ZNF562: variants seen among roughly 807,000 people sequenced by gnomAD.
ZNF562 encodes zinc finger protein 562.
Under a neutral mutation model 17.5 loss-of-function variants are expected in ZNF562, and 13 were observed. The ratio of observed to expected loss-of-function variants is 0.74; its 90% CI spans 0.48 to 1.18. The LOEUF is 1.18. Ranked by LOEUF, ZNF562 falls within the 50% of genes most tolerant of loss-of-function variation. ZNF562 has a pLI of 0.00. For missense variants in ZNF562, 481 were observed against 498.5 expected (o/e 0.96, Z 0.33); for synonymous variants, 163 against 165.4 (o/e 0.99, Z 0.11).
intron 1 of ZNF562, among the ~76,000 whole-genome samples, chr19:9,663,122 C>A (rs1457844354): frequency 6.6e-6 from 1 of 150,902 alleles, no homozygotes. Flanking sequence ...ACAGCCAGAA[C>A]TGGATGGGTG....
intron 1 of ZNF562, among the ~76,000 whole-genome samples, chr19:9,662,746 GT>G (rs1174949073): frequency 2.0e-5 from 3 of 152,014 alleles, no homozygotes; most frequent in African/African-American, 7.2e-5. Flanking sequence ...CAGTTGTGGT[GT>G]TGGGCGGCTG....
intron 1 of ZNF562, among the ~76,000 whole-genome samples, chr19:9,661,735 C>G (rs1279184305): frequency 6.6e-6 from 1 of 152,112 alleles, no homozygotes; most frequent in African/African-American, 2.4e-5. Context: ...GTGGAGGTTG[C>G]AGTGAGCTGA....
Position 9,653,359 on chromosome 19 carries a change from T to G in ZNF562, c.871A>C (p.Lys291Gln). 4 of 1,614,052 alleles carry G rather than the reference T, an allele frequency of 2.5e-6. No individual in the cohort carries two copies. The highest frequency in any genetic ancestry group is 3.4e-6 in the Non-Finnish European group (4 of 1,179,988). The change falls in exon 6 of 6, where the codon AAA becomes CAA. Residue 291 changes from lysine to glutamine, a missense_variant. Physicochemically the swap from Lys to Gln is moderately conservative, Grantham distance 53. Transcript: ENST00000453372. ...THKGEKSFEC[K>Q]ECGRSFRNSS... The stretch of plus-strand genomic sequence containing the variant: ...TTTCTAAAGGATCTTCCACATTCTT[T>G]ACATTCAAAGGACTTCTCTCCTTTA...
intron 5 of ZNF562, among the ~76,000 whole-genome samples, chr19:9,654,244 G>A (rs1333091932): frequency 2.0e-5 from 3 of 151,924 alleles, no homozygotes; most frequent in South Asian, 2.1e-4. Flanking sequence ...GCCTGTCTTG[G>A]CCTCCCAAAG....
At chr19:9,671,947 T>C (rs546672378) in intron 1 of ZNF562, among the ~76,000 whole-genome samples, 1 of 152,334 alleles carries the variant, frequency 6.6e-6, no homozygotes, top group South Asian at 2.1e-4. Context: ...AAGCATGAAG[T>C]ACATACTGTC....
chr19:9,669,754 AC>A (rs1940581076), intron 1 of ZNF562, among the ~76,000 whole-genome samples: 2 of 149,504 alleles, frequency 1.3e-5, no homozygotes, highest in Non-Finnish European at 3.0e-5. Context: ...ACACACACAC[AC>A]ACACACACAC....
intron 1 of ZNF562, among the ~76,000 whole-genome samples, chr19:9,670,255 C>CA (rs879389553): frequency 1.8e-4 from 27 of 150,830 alleles, no homozygotes; most frequent in African/African-American, 4.4e-4. Context: ...CAAAACAAAA[C>CA]AAAAAAAACA....
intron 1 of ZNF562, among the ~76,000 whole-genome samples, chr19:9,670,518 G>C (rs554157253): frequency 2.9e-4 from 44 of 152,252 alleles, no homozygotes; most frequent in African/African-American, 1.1e-3. Flanking sequence ...ATGGAATTCT[G>C]TCATTTGCAG....
chr19:9,653,277 C>T lies in ZNF562; in HGVS notation c.953G>A (p.Cys318Tyr), dbSNP rs756035334. Residue 318 changes from cysteine to tyrosine, a missense_variant, in exon 6 of 6, where the codon TGT (cysteine) becomes TAT (tyrosine). This residue lies in a region of ZNF562 where 403 missense variants were observed against 386.4 expected (regional missense o/e 1.04). Coordinates refer to ENST00000453372, the MANE Select transcript of ZNF562 (RefSeq NM_001130031.2). Reference sequence around the variant, plus strand: ...AGTGAAGGCTTTCCCACATTCCGTACATTTGTGTGGTTTTATTCCAGTGTG... The same window carrying T: ...AGTGAAGGCTTTCCCACATTCCGTATATTTGTGTGGTTTTATTCCAGTGTG... ...QIHTGIKPHK[C>Y]TECGKAFTRS... The T allele has an allele frequency of 1.8e-5, 29 of 1,614,000 alleles. No homozygotes were observed. Among genetic ancestry groups the T allele is most frequent in the East Asian group, 4.5e-5 (2 of 44,886 alleles).
Position 9,644,957 on chromosome 19 carries a change from A to G in ZNF562, c.*7992T>C, listed in dbSNP as rs1480842158. ...AGTCCTGCTGACTTCCGGCCTCCTG[A>G]GTCCCTAAGCAGAGGAATACGAATT... On this transcript the variant is annotated 3_prime_UTR_variant, in exon 6 of 6. Transcript: ENST00000453372. 1 of 152,180 alleles carries G rather than the reference A, an allele frequency of 6.6e-6. No individual in the cohort carries two copies. Among genetic ancestry groups the G allele is most frequent in the Non-Finnish European group, 1.5e-5 (1 of 68,048 alleles). The allele number at this position is 152,180 out of a possible 1,614,324, so 9.4% of individuals were successfully genotyped here. A position where few individuals can be genotyped will look rare whatever the true frequency, so the allele number is the denominator to read the frequency against.
chr19:9,652,892 G>A lies in ZNF562; in HGVS notation c.*57C>T. 2 of 1,433,570 alleles carry A rather than the reference G, an allele frequency of 1.4e-6. No homozygotes were observed. The highest frequency in any genetic ancestry group is 1.8e-6 in the Non-Finnish European group (2 of 1,083,472). The allele number at this position is 1,433,570 out of a possible 1,614,324, so 88.8% of individuals were successfully genotyped here. A position where few individuals can be genotyped will look rare whatever the true frequency, so the allele number is the denominator to read the frequency against. Reference sequence around the variant, plus strand: ...TTTACATACAAAAGGTTTCTCTCTGGTAGGAGTTCACAGGTGGGGTGAGGA... The same window carrying A: ...TTTACATACAAAAGGTTTCTCTCTGATAGGAGTTCACAGGTGGGGTGAGGA... On this transcript the variant is annotated 3_prime_UTR_variant, in exon 6 of 6. Transcript: ENST00000453372.
At chr19:9,653,908 T>C (rs778956787) in intron 5 of ZNF562, 27 bp from the exon 6 acceptor site, 3 of 1,506,168 alleles carry the variant, frequency 2.0e-6, no homozygotes, top group South Asian at 2.9e-5. Context: ...GGATTTAAAA[T>C]GTTTTCAGAC....
In ZNF562 at chr19:9,651,984, G is replaced by A. The variant is rs780588006; in HGVS notation, c.*965C>T. 5 of 152,184 alleles carry A rather than the reference G, an allele frequency of 3.3e-5. No individual in the cohort carries two copies. The highest frequency in any genetic ancestry group is 6.5e-5 in the Admixed American group (1 of 15,272). The allele number at this position is 152,184 out of a possible 1,614,324, so 9.4% of individuals were successfully genotyped here. A position where few individuals can be genotyped will look rare whatever the true frequency, so the allele number is the denominator to read the frequency against. ...GCAGAAGAAATTGTTAAGGAAAAAGGAACCAGAACTTGGAGATTTGGAAAA... is the reference window on the plus strand; with the variant it reads ...GCAGAAGAAATTGTTAAGGAAAAAGAAACCAGAACTTGGAGATTTGGAAAA... On this transcript the variant is annotated 3_prime_UTR_variant, in exon 6 of 6. Coordinates refer to ENST00000453372, the MANE Select transcript of ZNF562 (RefSeq NM_001130031.2).
intron 4 of ZNF562, among the ~76,000 whole-genome samples, chr19:9,656,875 T>A (rs539477550): frequency 1.1e-4 from 15 of 133,840 alleles, no homozygotes; most frequent in South Asian, 2.6e-4. Context: ...TACAAAAATA[T>A]ATATATATAT....
At chr19:9,673,144 C>T (rs1311572522) in intron 1 of ZNF562, among the ~76,000 whole-genome samples, 1 of 152,112 alleles carries the variant, frequency 6.6e-6, no homozygotes, top group African/African-American at 2.4e-5. Context: ...ATGACTCACA[C>T]ATCCCCCTAC....
intron 1 of ZNF562, chr19:9,674,522 A>C (rs2044328358): frequency 6.6e-6 from 1 of 152,098 alleles, no homozygotes; most frequent in Non-Finnish European, 1.5e-5. Flanking sequence ...ATCAAAAAAA[A>C]AAAAAAAGTA....
At chr19:9,670,445 A>C (rs1306894479) in intron 1 of ZNF562, among the ~76,000 whole-genome samples, 3 of 152,200 alleles carry the variant, frequency 2.0e-5, no homozygotes, top group African/African-American at 7.2e-5. Context: ...TCTAACAATG[A>C]AAGAATGAAT....
intron 5 of ZNF562, among the ~76,000 whole-genome samples, chr19:9,655,612 G>A (rs1362221577): frequency 6.8e-6 from 1 of 147,634 alleles, no homozygotes; most frequent in Non-Finnish European, 1.5e-5. Context: ...TAGAGACAGA[G>A]TTTCACCATG....
At position 9,651,496 on chromosome 19, in the gene ZNF562, A is replaced by G. The variant is rs957357673; in HGVS notation, c.*1453T>C. The G allele has an allele frequency of 1.3e-5, 2 of 152,236 alleles. No homozygotes were observed. The highest frequency in any genetic ancestry group is 4.8e-5 in the African/African-American group (2 of 41,472). The allele number at this position is 152,236 out of a possible 1,614,324, so 9.4% of individuals were successfully genotyped here. ...ATAAACAGGCAATGAGAAACTGGCC[A>G]TAAACAAAATCTCTGCAGCACTGTG... On this transcript the variant is annotated 3_prime_UTR_variant, in exon 6 of 6. Coordinates refer to ENST00000453372, the MANE Select transcript of ZNF562 (RefSeq NM_001130031.2).
Sources: gnomAD v4.1 joint callset for allele counts (sites outside exome capture counted in the v4.1 genomes callset) on GRCh38, gnomAD v4.1.1 for gene constraint, gnomAD v4.1.1 regional missense constraint, MANE v1.5 for transcripts, NCBI Gene and HGNC (gene_info 2026-07-23, HGNC 2026-07-21) for gene names.